The following CRYBG3 variants were observed in gnomAD, a reference collection of about 807,000 sequenced individuals.
The protein encoded by CRYBG3 is crystallin beta-gamma domain containing 3.
CRYBG3 carries 127 observed loss-of-function variants against 244.2 expected under a neutral mutation model. The ratio of observed to expected loss-of-function variants is 0.52; its 90% CI spans 0.45 to 0.60. The LOEUF (loss-of-function observed/expected upper bound fraction) is 0.60, where lower values mean the gene tolerates loss of function less well. CRYBG3 is among the 20% of genes least tolerant of loss of function. The pLI, the probability that CRYBG3 is intolerant of heterozygous loss-of-function variation, is 0.00. For synonymous variants in CRYBG3, 1,132 were observed against 1,195.8 expected (o/e 0.95, Z 1.10); for missense variants, 3,325 against 3,442.5 (o/e 0.97, Z 0.85).
chr3:97,935,397 G>T (rs1042269121), intron 18 of CRYBG3, among the ~76,000 whole-genome samples: 1 of 151,942 alleles, frequency 6.6e-6, no homozygotes, highest in African/African-American at 2.4e-5. Flanking sequence ...GATTTGTGTA[G>T]GAAGGAGGGG....
intron 1 of CRYBG3, among the ~76,000 whole-genome samples, chr3:97,840,871 A>G (rs1048916478): frequency 1.3e-5 from 2 of 152,102 alleles, no homozygotes; most frequent in African/African-American, 4.8e-5. Context: ...CCAAATCTTT[A>G]TAACATGATC....
chr3:97,828,828 CAAA>C (rs11341279), intron 1 of CRYBG3, among the ~76,000 whole-genome samples: 3 of 114,934 alleles, frequency 2.6e-5, no homozygotes, highest in Non-Finnish European at 3.4e-5. Context: ...AACTCCATCT[CAAA>C]AAAAAAAAAA....
At chr3:97,943,148 C>CAG (rs1418197906) in intron 21 of CRYBG3, 78 bp from the exon 22 acceptor site, 1 of 784,722 alleles carries the variant, frequency 1.3e-6, no homozygotes, top group Non-Finnish European at 2.1e-6. Context: ...GTGAGCTGAA[C>CAG]AGAAGCTTGT....
Position 97,933,689 on chromosome 3 carries a change from A to G in CRYBG3, c.8242-5A>G. 6.2e-7 allele frequency: 1 copy of G among 1,612,500 alleles called. No individual in the cohort carries two copies. The highest frequency in any genetic ancestry group is 1.1e-5 in the South Asian group (1 of 91,000). Reference sequence around the variant, plus strand: ...TATGGTGACGCTTTCTTTTTCTGCTAATAGGTTTTTGAAGAACCCTCCATC... The same window carrying G: ...TATGGTGACGCTTTCTTTTTCTGCTGATAGGTTTTTGAAGAACCCTCCATC... On this transcript the variant is annotated splice_region_variant and splice_polypyrimidine_tract_variant and intron_variant, in intron 17 of 21. Coordinates refer to ENST00000389622, the MANE Select transcript of CRYBG3 (RefSeq NM_153605.4).
chr3:97,913,820 C>A (rs2039899195), intron 16 of CRYBG3, among the ~76,000 whole-genome samples: 2 of 152,182 alleles, frequency 1.3e-5, no homozygotes, highest in Admixed American at 1.3e-4. Context: ...TTTCCACCTT[C>A]TCTTTAAAAA....
At chr3:97,903,068 C>A (rs1318428217) in intron 15 of CRYBG3, among the ~76,000 whole-genome samples, 1 of 152,158 alleles carries the variant, frequency 6.6e-6, no homozygotes, top group Non-Finnish European at 1.5e-5. Context: ...TTTTTAAAGT[C>A]CATTTCCAGA....
chr3:97,842,455 G>A (rs1174648058), intron 1 of CRYBG3, among the ~76,000 whole-genome samples: 2 of 151,978 alleles, frequency 1.3e-5, no homozygotes, highest in Non-Finnish European at 2.9e-5. Flanking sequence ...TGGATACTTA[G>A]GAGGGTGAGC....
intron 2 of CRYBG3, among the ~76,000 whole-genome samples, chr3:97,851,483 G>A (rs1458841239): frequency 2.0e-5 from 3 of 152,172 alleles, no homozygotes; most frequent in East Asian, 1.9e-4. Context: ...CTGGAAGAAC[G>A]TAAATGTAAT....
intron 1 of CRYBG3, among the ~76,000 whole-genome samples, chr3:97,836,285 A>G: frequency 6.6e-6 from 1 of 152,224 alleles, no homozygotes; most frequent in South Asian, 2.1e-4. Context: ...GGGCTAAAAT[A>G]CATACTGTTT....
At chr3:97,941,051 A>C in intron 19 of CRYBG3, 97 bp from the exon 20 acceptor site, 1 of 915,076 alleles carries the variant, frequency 1.1e-6, no homozygotes, top group Non-Finnish European at 1.7e-6. Context: ...TAACTAAGAT[A>C]GTTACCTCTC....
intron 2 of CRYBG3, among the ~76,000 whole-genome samples, chr3:97,850,535 C>T (rs917258587): frequency 2.6e-5 from 4 of 152,122 alleles, no homozygotes; most frequent in African/African-American, 9.7e-5. Context: ...GATCATAACA[C>T]TGATGTGTGA....
At chr3:97,826,918 C>T (rs1397396746) in intron 1 of CRYBG3, among the ~76,000 whole-genome samples, 1 of 152,196 alleles carries the variant, frequency 6.6e-6, no homozygotes, top group Admixed American at 6.5e-5. Context: ...GAATGTCATA[C>T]GTTGTATGAG....
chr3:97,870,741 T>C (rs1380408956), intron 3 of CRYBG3, among the ~76,000 whole-genome samples: 1 of 152,204 alleles, frequency 6.6e-6, no homozygotes, highest in Non-Finnish European at 1.5e-5. Flanking sequence ...CCTTTACTTA[T>C]TCATTAATTC....
intron 2 of CRYBG3, among the ~76,000 whole-genome samples, chr3:97,852,888 C>T (rs115307201): frequency 1.7e-3 from 262 of 152,212 alleles, no homozygotes; most frequent in Non-Finnish European, 3.3e-3. Context: ...GGTGTGATAT[C>T]GCATTGTGGT....
chr3:97,887,223 G>GC (rs1228494078), intron 8 of CRYBG3, among the ~76,000 whole-genome samples: 6 of 152,166 alleles, frequency 3.9e-5, no homozygotes, highest in Non-Finnish European at 8.8e-5. Flanking sequence ...TAGCCGGTAA[G>GC]CATGGATTTG....
intron 2 of CRYBG3, among the ~76,000 whole-genome samples, chr3:97,847,899 T>G (rs1190202725): frequency 6.6e-6 from 1 of 152,222 alleles, no homozygotes; most frequent in Non-Finnish European, 1.5e-5. Flanking sequence ...ATCAGATATT[T>G]ATGACACATT....
intron 7 of CRYBG3, among the ~76,000 whole-genome samples, chr3:97,882,726 T>G (rs922440495): frequency 1.3e-5 from 2 of 152,242 alleles, no homozygotes; most frequent in African/African-American, 4.8e-5. Flanking sequence ...ACTATCATGA[T>G]GACTTGGATT....
chr3:97,836,375 C>A (rs1332496305), intron 1 of CRYBG3, among the ~76,000 whole-genome samples: 2 of 151,928 alleles, frequency 1.3e-5, no homozygotes, highest in Admixed American at 1.3e-4. Context: ...GTTTTATATT[C>A]CGTTAATAGC....
At chr3:97,915,823 A>G (rs1291545732) in intron 17 of CRYBG3, 87 bp downstream of exon 17, 16 of 1,053,476 alleles carry the variant, frequency 1.5e-5, no homozygotes, top group Non-Finnish European at 2.0e-5. Context: ...GTTGGAAGAA[A>G]TGATACAAGG....
Sources: gnomAD v4.1 joint callset for allele counts (sites outside exome capture counted in the v4.1 genomes callset) on GRCh38, gnomAD v4.1.1 for gene constraint, MANE v1.5 for transcripts, NCBI Gene and HGNC (gene_info 2026-07-23, HGNC 2026-07-21) for gene names.